FXN: variants seen among roughly 807,000 people sequenced by gnomAD.
FXN encodes frataxin, mitochondrial.
A neutral mutation model predicts 22.4 loss-of-function variants in FXN; 14 were observed. That is an observed-to-expected ratio of 0.62 (90% CI 0.41 to 0.98). The LOEUF is 0.98. FXN is among the 50% of genes least tolerant of loss of function. FXN has a pLI of 0.00. For missense variants in FXN, 267 were observed against 268.4 expected (o/e 0.99, Z 0.04); for synonymous variants, 120 against 114.1 (o/e 1.05, Z -0.33).
At position 69,057,515 on chromosome 9, in the gene FXN, A is replaced by G. The variant is rs568673795; in HGVS notation, c.384+4255A>G. Among the ~76,000 whole-genome samples the G allele has an allele frequency of 3.0e-4, 46 of 152,342 alleles. 1 individual carries two copies. The South Asian group carries it at 9.5e-3, about 32-fold the overall frequency. ...CAAAATTATTTCTAACAAATCATTT[A>G]CTAATTAGCAAATGCTTAAGTGTAG... On this transcript the variant is annotated intron_variant, in intron 3 of 4. Coordinates refer to ENST00000484259, the MANE Select transcript of FXN (RefSeq NM_000144.5).
chr9:69,074,972 C>T lies in FXN; in HGVS notation c.*2210C>T, dbSNP rs1832340708. 3.0e-6 allele frequency: 3 copies of T among 985,324 alleles called. No homozygotes were observed. The highest frequency in any genetic ancestry group is 3.6e-6 in the Non-Finnish European group (3 of 829,948). 61.0% of individuals were successfully genotyped at this position (985,324 alleles called of 1,614,324 possible). On this transcript the variant is annotated 3_prime_UTR_variant, in exon 5 of 5. Coordinates refer to ENST00000484259, the MANE Select transcript of FXN (RefSeq NM_000144.5). ...TTAGAACTCGGTGACATGATGTACTCCTTTATCTGGGACACAGCACAAAAG... is the reference window on the plus strand; with the variant it reads ...TTAGAACTCGGTGACATGATGTACTTCTTTATCTGGGACACAGCACAAAAG...
In FXN at chr9:69,077,797, G is replaced by A; in HGVS notation, c.*5035G>A. On this transcript the variant is annotated 3_prime_UTR_variant, in exon 5 of 5. Coordinates refer to ENST00000484259, the MANE Select transcript of FXN (RefSeq NM_000144.5). Reference sequence around the variant, plus strand: ...ATACAAAAATTAGCTGGCCGTAGTGGCGCACGCCTGTTATCCCAGCTACTC... The same window carrying A: ...ATACAAAAATTAGCTGGCCGTAGTGACGCACGCCTGTTATCCCAGCTACTC... The A allele has an allele frequency of 1.7e-6, 1 of 574,634 alleles. No homozygotes were observed. Among genetic ancestry groups the A allele is most frequent in the Non-Finnish European group, 2.2e-6 (1 of 455,244 alleles). The allele number at this position is 574,634 out of a possible 1,614,324, so 35.6% of individuals were successfully genotyped here. A position where few individuals can be genotyped will look rare whatever the true frequency, so the allele number is the denominator to read the frequency against.
At position 69,072,821 on chromosome 9, in the gene FXN, T is replaced by C; in HGVS notation, c.*59T>C. The C allele has an allele frequency of 6.2e-7, 1 of 1,611,030 alleles. No homozygotes were observed. The highest frequency in any genetic ancestry group is 8.5e-7 in the Non-Finnish European group (1 of 1,179,596). ...TCAGGCCAAGACCCCAGCTTCATTA[T>C]GCAGCTGAGGTCTGTTTTTTGTTGT... On this transcript the variant is annotated 3_prime_UTR_variant, in exon 5 of 5. Transcript: ENST00000484259.
At chr9:69,072,243 T>A (rs1247768395) in intron 4 of FXN, among the ~76,000 whole-genome samples, 3 of 152,100 alleles carry the variant, frequency 2.0e-5, no homozygotes, top group Non-Finnish European at 2.9e-5. Context: ...ACTAATAATA[T>A]TATAGGTAAG....
chr9:69,037,626 T>A (rs1368182318), intron 1 of FXN, among the ~76,000 whole-genome samples: 1 of 152,230 alleles, frequency 6.6e-6, no homozygotes, highest in Non-Finnish European at 1.5e-5. Flanking sequence ...CGTATTGGGC[T>A]TCCACCCCTG....
At chr9:69,065,316 G>A (rs1324593313) in intron 4 of FXN, among the ~76,000 whole-genome samples, 1 of 152,168 alleles carries the variant, frequency 6.6e-6, no homozygotes, top group Non-Finnish European at 1.5e-5. Flanking sequence ...CAAGGCCTGT[G>A]GATCACTTGA....
intron 1 of FXN, among the ~76,000 whole-genome samples, chr9:69,045,275 A>G (rs1379184405): frequency 7.6e-6 from 1 of 132,228 alleles, no homozygotes; most frequent in Non-Finnish European, 1.5e-5. Context: ...AAAAGAAGGT[A>G]AAAAAAAAAA....
chr9:69,060,063 T>C (rs1264193270), intron 3 of FXN, among the ~76,000 whole-genome samples: 1 of 152,156 alleles, frequency 6.6e-6, no homozygotes, highest in African/African-American at 2.4e-5. Context: ...TGATCTTGAC[T>C]AGGAGGAGTC....
rs1832342648 is a variant in FXN at position 69,075,120 on chromosome 9, G to A, written c.*2358G>A. On this transcript the variant is annotated 3_prime_UTR_variant, in exon 5 of 5. Transcript: ENST00000484259. ...TTCATTTTACATATAGCTCTAATTG[G>A]TTTGATTATCTCGTTCCCAAGGCAG... 1.0e-6 allele frequency: 1 copy of A among 985,262 alleles called. No individual in the cohort carries two copies. The highest frequency in any genetic ancestry group is 1.7e-5 in the African/African-American group (1 of 57,198). The allele number at this position is 985,262 out of a possible 1,614,324, so 61.0% of individuals were successfully genotyped here.
chr9:69,071,159 G>C, intron 4 of FXN: 1 of 518,904 alleles, frequency 1.9e-6, no homozygotes, highest in Non-Finnish European at 3.8e-6. Context: ...GGTTACTCAG[G>C]CTCTGCCTGG....
intron 1 of FXN, among the ~76,000 whole-genome samples, chr9:69,037,492 A>C (rs897086358): frequency 6.6e-6 from 1 of 151,968 alleles, no homozygotes; most frequent in Non-Finnish European, 1.5e-5. Context: ...AATAAAAATA[A>C]AAAATAAAAT....
At chr9:69,036,929 G>T (rs1831560174) in intron 1 of FXN, among the ~76,000 whole-genome samples, 1 of 152,120 alleles carries the variant, frequency 6.6e-6, no homozygotes, top group Non-Finnish European at 1.5e-5. Flanking sequence ...CCAGGAAGGC[G>T]GAAGGGGATC....
chr9:69,066,883 T>C (rs1020863482), intron 4 of FXN, among the ~76,000 whole-genome samples: 2 of 151,298 alleles, frequency 1.3e-5, no homozygotes, highest in African/African-American at 4.9e-5. Context: ...TATATATATA[T>C]ATGGGGGACG....
At position 69,078,231 on chromosome 9, in the gene FXN, A is replaced by G. The variant is rs1832406786; in HGVS notation, c.*5469A>G. 2.6e-5 allele frequency: 26 copies of G among 983,936 alleles called. No homozygotes were observed. Among genetic ancestry groups the G allele is most frequent in the South Asian group, 4.7e-5 (1 of 21,252 alleles). 61.0% of individuals were successfully genotyped at this position (983,936 alleles called of 1,614,324 possible). A position where few individuals can be genotyped will look rare whatever the true frequency, so the allele number is the denominator to read the frequency against. ...ACTGTTGACAGAGATTATAACTACA[A>G]TGTGAAGTGAATGGTGCCACTGACA... On this transcript the variant is annotated 3_prime_UTR_variant, in exon 5 of 5. Transcript: ENST00000484259.
Position 69,078,736 on chromosome 9 carries a change from A to C in FXN, c.*5974A>C. On this transcript the variant is annotated 3_prime_UTR_variant, in exon 5 of 5. Coordinates refer to ENST00000484259, the MANE Select transcript of FXN (RefSeq NM_000144.5). ...CAGTGCTGTTTCCATTTTGGTCTTT[A>C]TTCCCCACATCTCTGCCTGGGGGGT... The C allele has an allele frequency of 1.0e-6, 1 of 985,532 alleles. No homozygotes were observed. The highest frequency in any genetic ancestry group is 1.2e-6 in the Non-Finnish European group (1 of 829,980). 61.0% of individuals were successfully genotyped at this position (985,532 alleles called of 1,614,324 possible). A position where few individuals can be genotyped will look rare whatever the true frequency, so the allele number is the denominator to read the frequency against.
At position 69,074,494 on chromosome 9, in the gene FXN, T is replaced by A; in HGVS notation, c.*1732T>A. ...GGTTACAGTGAGTCGAGATCGTACC[T>A]GAGCGACAGAGCGAGACTCCGTCTC... On this transcript the variant is annotated 3_prime_UTR_variant, in exon 5 of 5. Transcript: ENST00000484259. The A allele has an allele frequency of 3.1e-6, 3 of 979,828 alleles. No homozygotes were observed. Among genetic ancestry groups the A allele is most frequent in the Non-Finnish European group, 3.6e-6 (3 of 827,330 alleles). 60.7% of individuals were successfully genotyped at this position (979,828 alleles called of 1,614,324 possible). A position where few individuals can be genotyped will look rare whatever the true frequency, so the allele number is the denominator to read the frequency against.
Position 69,071,492 on chromosome 9 carries a change from A to G in FXN, c.483-1120A>G, listed in dbSNP as rs922099754. ...CCTCCATCAGGGTGCCACATGCACT[A>G]GTGTTATCTGCTGCCGTGGCCAATC... On this transcript the variant is annotated intron_variant, in intron 4 of 4. Transcript: ENST00000484259. Among the ~76,000 whole-genome samples the G allele has an allele frequency of 1.3e-5, 2 of 152,126 alleles. 1 individual carries two copies. The highest frequency in any genetic ancestry group is 4.8e-5 in the African/African-American group (2 of 41,436).
chr9:69,061,752 C>T (rs1377140506), intron 3 of FXN, among the ~76,000 whole-genome samples: 1 of 151,478 alleles, frequency 6.6e-6, no homozygotes, highest in African/African-American at 2.4e-5. Flanking sequence ...GTTCAGTTCC[C>T]ACCTATGAGT....
chr9:69,038,564 G>A lies in FXN; in HGVS notation c.165+2617G>A, dbSNP rs540491579. Among the ~76,000 whole-genome samples, 15 of 152,240 alleles carry A rather than the reference G, an allele frequency of 9.9e-5. No individual in the cohort carries two copies. The South Asian group carries it at 2.7e-3, about 27-fold the overall frequency. ...AATGAGACCAGGCACGGTGGCTCAC[G>A]ACTGTAATCCCAGGACTTTGGGAGG... On this transcript the variant is annotated intron_variant, in intron 1 of 4. Coordinates refer to ENST00000484259, the MANE Select transcript of FXN (RefSeq NM_000144.5).
Sources: allele counts gnomAD v4.1 joint callset (sites outside exome capture counted in the v4.1 genomes callset), GRCh38; gene constraint gnomAD v4.1.1; transcripts MANE v1.5; gene names NCBI Gene and HGNC (gene_info 2026-07-23, HGNC 2026-07-21).